The following MLPH variants were observed in gnomAD, a reference collection of about 807,000 sequenced individuals.
MLPH encodes the protein exophilin-3.
Under a neutral mutation model 72.1 loss-of-function variants are expected in MLPH, and 51 were observed. That is an observed-to-expected ratio of 0.71 (90% confidence interval 0.56 to 0.89). The LOEUF is 0.89. Among genes scored for constraint, MLPH ranks in the 40% least tolerant of loss-of-function variants. The pLI, the probability that MLPH is intolerant of heterozygous loss-of-function variation, is 0.00. For missense variants in MLPH, 743 were observed against 759.9 expected, an observed-to-expected ratio of 0.98 and a Z score of 0.26; for synonymous variants, 301 against 310.1, an observed-to-expected ratio of 0.97 and a Z score of 0.31.
intron 5 of MLPH, 137 bp from the exon 6 acceptor site, chr2:237,519,772 AG>A: frequency 2.4e-6 from 3 of 1,235,522 alleles, no homozygotes; most frequent in Non-Finnish European, 3.5e-6. Flanking sequence ...TTCCTAGTGG[AG>A]GGGGTGGATG....
At chr2:237,535,285 C>T (rs1336898948) in intron 9 of MLPH, among the ~76,000 whole-genome samples, 1 of 152,048 alleles carries the variant, frequency 6.6e-6, no homozygotes, top group East Asian at 1.9e-4. Context: ...TTCATTCCTT[C>T]AATAATGATA....
At chr2:237,549,750 C>T (rs1488438475) in intron 14 of MLPH, among the ~76,000 whole-genome samples, 1 of 152,160 alleles carries the variant, frequency 6.6e-6, no homozygotes, top group East Asian at 1.9e-4. Context: ...AACCACTGCT[C>T]ACCAGAGGCT....
rs1170711636 is a variant in MLPH, at chr2:237,505,550, C to T, written c.111-5024C>T. Among the ~76,000 whole-genome samples the T allele has an allele frequency of 2.0e-5, 3 of 152,184 alleles. No homozygotes were observed. The highest frequency in any genetic ancestry group is 7.2e-5 in the African/African-American group (3 of 41,436). On this transcript the variant is annotated intron_variant, in intron 2 of 15. Coordinates refer to ENST00000264605, the MANE Select transcript of MLPH (RefSeq NM_024101.7). This position sits in a 1 kb window ranked among gnomAD's most constrained non-coding sequence, Gnocchi z 4.5. ...CCCCCTGCTGTGCCTTCAGGGGTGG[C>T]CACCAGCCCCGCCATCCTGGGCTCT...
intron 5 of MLPH, 29 bp from the exon 6 acceptor site, chr2:237,519,881 G>C (rs754125387): frequency 6.2e-7 from 1 of 1,613,884 alleles, no homozygotes; most frequent in Non-Finnish European, 8.5e-7. Context: ...GCCCTGACTT[G>C]AGTCTTGCCC....
At position 237,541,518 on chromosome 2, in the gene MLPH, C is replaced by G. The variant is rs930787905; in HGVS notation, c.1446+561C>G. 6.6e-6 allele frequency among the ~76,000 whole-genome samples: 1 copy of G among 152,216 alleles called. No individual in the cohort carries two copies. Among genetic ancestry groups the G allele is most frequent in the Admixed American group, 6.5e-5 (1 of 15,286 alleles). On this transcript the variant is annotated intron_variant, in intron 11 of 15. Coordinates refer to ENST00000264605, the MANE Select transcript of MLPH (RefSeq NM_024101.7). The surrounding 1 kb of genome is among the most constrained non-coding windows in gnomAD (Gnocchi z 5.1). The stretch of plus-strand genomic sequence containing the variant: ...CCTCTCGGACTGTGAGGACAGCCAG[C>G]CCCCACGGCCCTCCTCCACTTCCCT...
At chr2:237,528,532 GT>G (rs1328337955) in intron 8 of MLPH, among the ~76,000 whole-genome samples, 1 of 151,934 alleles carries the variant, frequency 6.6e-6, no homozygotes, top group Non-Finnish European at 1.5e-5. Flanking sequence ...TGTATTTTTA[GT>G]AGAGACGGGG....
At chr2:237,525,846 T>A (rs1462400478) in intron 7 of MLPH, 41 bp downstream of exon 7, 1 of 1,585,854 alleles carries the variant, frequency 6.3e-7, no homozygotes, top group African/African-American at 1.3e-5. Flanking sequence ...GGGCTCGGCA[T>A]GGGGGAGCAG....
At position 237,510,744 on chromosome 2, in the gene MLPH, G is replaced by A. The variant is rs986068171; in HGVS notation, c.281G>A (p.Arg94His). 13 of 1,613,670 alleles carry A rather than the reference G, an allele frequency of 8.1e-6. No individual in the cohort carries two copies. Among genetic ancestry groups the A allele is most frequent in the Admixed American group, 3.3e-5 (2 of 60,036 alleles). The change falls in exon 3 of 16, where the codon CGC becomes CAC. Residue 94 changes from arginine (R) to histidine (H), a missense_variant. Coordinates refer to ENST00000264605, the MANE Select transcript of MLPH (RefSeq NM_024101.7). This position sits in a 1 kb window ranked among gnomAD's most constrained non-coding sequence, Gnocchi z 4.4. ...CGLFTCKSCG[R>H]VHPEEQGWIC... Reference sequence around the variant, plus strand: ...CTCTTCACCTGCAAAAGCTGTGGCCGCGTCCACCCGGAGGAGCAGGGCTGG... The same window carrying A: ...CTCTTCACCTGCAAAAGCTGTGGCCACGTCCACCCGGAGGAGCAGGGCTGG...
At chr2:237,533,724 T>G (rs1344527569) in intron 8 of MLPH, among the ~76,000 whole-genome samples, 1 of 152,262 alleles carries the variant, frequency 6.6e-6, no homozygotes, top group African/African-American at 2.4e-5. Context: ...CTTCTGCAGA[T>G]GCTCAACGGG....
Position 237,525,633 on chromosome 2 carries a change from A to G in MLPH, c.708A>G (p.Ala236=). ...SLTDESCSEK[A]APHKAEGLEE... ...CAGATGAGTCCTGCTCAGAGAAGGC[A>G]GCCCCTCACAAGGCTGAGGGCCTGG... The change falls in exon 7 of 16, where the codon GCA becomes GCG. Residue 236 remains alanine (A), a synonymous_variant. Transcript: ENST00000264605. The G allele has an allele frequency of 6.2e-7, 1 of 1,614,148 alleles. No individual in the cohort carries two copies. The highest frequency in any genetic ancestry group is 8.5e-7 in the Non-Finnish European group (1 of 1,180,026).
chr2:237,542,524 G>C (rs28418886), intron 11 of MLPH, 43 bp from the exon 12 acceptor site: 6 of 1,482,892 alleles, frequency 4.0e-6, no homozygotes, highest in East Asian at 2.4e-5. Flanking sequence ...GCGGGATCTC[G>C]AGCGTCTGTC....
chr2:237,518,239 G>C, intron 4 of MLPH: 3 of 496,496 alleles, frequency 6.0e-6, no homozygotes, highest in Non-Finnish European at 1.1e-5. Context: ...GGGTGTATGG[G>C]TGGGTGGATG....
chr2:237,510,625 C>G lies in MLPH; in HGVS notation c.162C>G (p.Ser54=). ...KKESSKRELL[S]DTAHLNETHC... ...AAAGCTCCAAGAGGGAGCTGCTTTC[C>G]GACACTGCCCATCTGAACGAGACCC... Residue 54 remains serine, a synonymous_variant, in exon 3 of 16, where the codon TCC becomes TCG. Transcript: ENST00000264605. The surrounding 1 kb of genome is among the most constrained non-coding windows in gnomAD (Gnocchi z 4.4). 1 of 1,613,662 alleles carries G rather than the reference C, an allele frequency of 6.2e-7. No individual in the cohort carries two copies. Among genetic ancestry groups the G allele is most frequent in the South Asian group, 1.1e-5 (1 of 91,080 alleles).
chr2:237,548,926 G>A (rs2080976911), intron 13 of MLPH, among the ~76,000 whole-genome samples: 1 of 152,154 alleles, frequency 6.6e-6, no homozygotes, highest in Non-Finnish European at 1.5e-5. Context: ...CAGTGGTAAG[G>A]GGGAGTGCTG....
intron 2 of MLPH, among the ~76,000 whole-genome samples, chr2:237,508,205 T>C (rs1220418938): frequency 1.3e-5 from 2 of 152,126 alleles, no homozygotes; most frequent in Non-Finnish European, 2.9e-5. Flanking sequence ...TCTGCTTCCC[T>C]GGTTCAAGCG....
chr2:237,511,339 T>C, intron 4 of MLPH: 1 of 452,412 alleles, frequency 2.2e-6, no homozygotes, highest in Non-Finnish European at 4.1e-6. Flanking sequence ...CTCGAACTCC[T>C]GGGCTCAAGC....
intron 12 of MLPH, among the ~76,000 whole-genome samples, chr2:237,546,140 A>T (rs1327824748): frequency 6.6e-6 from 1 of 152,128 alleles, no homozygotes; most frequent in Non-Finnish European, 1.5e-5. Context: ...TAAGAGACAA[A>T]AGGTTGCATT....
At chr2:237,537,226 A>G (rs1009582868) in intron 9 of MLPH, among the ~76,000 whole-genome samples, 1 of 116,396 alleles carries the variant, frequency 8.6e-6, no homozygotes, top group African/African-American at 2.9e-5. Context: ...GTATGTTGTC[A>G]TGTGTTTTCC....
chr2:237,553,481 T>C lies in MLPH; in HGVS notation c.1777-85T>C, dbSNP rs370557860. On this transcript the variant is annotated intron_variant, in intron 15 of 15. Transcript: ENST00000264605. ...GCACATCCATGTACACACCTGTGTA[T>C]TTGTATGTGCATGCCCATGTGTGTC... 6 of 1,264,088 alleles carry C rather than the reference T, an allele frequency of 4.7e-6. No individual in the cohort carries two copies. The African/African-American group carries it at 5.9e-5, about 12-fold the overall frequency. 78.3% of individuals were successfully genotyped at this position (1,264,088 alleles called of 1,614,324 possible).
Sources: gnomAD v4.1 joint callset for allele counts (sites outside exome capture counted in the v4.1 genomes callset) on GRCh38, gnomAD v4.1.1 for gene constraint, Gnocchi (gnomAD v3.1) non-coding constraint, MANE v1.5 for transcripts, NCBI Gene and HGNC (gene_info 2026-07-23, HGNC 2026-07-21) for gene names.